Variants in BLACAT1 observed in about 807,000 individuals in gnomAD.
BLACAT1 encodes BLACAT1 overlapping LEMD1 locus.
chr1:205,447,760 C>T (rs954243568), intron 1 of BLACAT1, among the ~76,000 whole-genome samples: 8 of 82,018 alleles, frequency 9.8e-5, no homozygotes, highest in Admixed American at 7.7e-4. Flanking sequence ...CCCGGGGGAG[C>T]GCCTGCCTTC....
rs954245368 is a variant in BLACAT1, at chr1:205,450,010, T to TC, written c.-37+5906dup. The TC allele has an allele frequency of 6.7e-6, 1 of 149,784 alleles. No individual in the cohort carries two copies. The allele number at this position is 149,784 out of a possible 1,614,324, so 9.3% of individuals were successfully genotyped here. ...CCCCAGCGAGGGCAGGCCTCCTCCC[T>TC]CCCCCTGCCCGCCCACCACCGGCCA... On this transcript the variant is annotated intron_variant, in intron 1 of 1. Transcript: ENST00000629624. The surrounding 1 kb of genome is among the most constrained non-coding windows in gnomAD (Gnocchi z 4.4).
chr1:205,447,192 C>T (rs1666406698), intron 1 of BLACAT1, among the ~76,000 whole-genome samples: 1 of 152,206 alleles, frequency 6.6e-6, no homozygotes, highest in Non-Finnish European at 1.5e-5. Flanking sequence ...TGTGCTCCTT[C>T]CTATCCATAT....
intron 1 of BLACAT1, among the ~76,000 whole-genome samples, chr1:205,444,495 CCA>C (rs1243442333): frequency 7.4e-5 from 11 of 149,436 alleles, no homozygotes; most frequent in African/African-American, 2.5e-4. Flanking sequence ...GGCCTGACCC[CCA>C]CATCTCTCTG....
intron 1 of BLACAT1, among the ~76,000 whole-genome samples, chr1:205,446,595 G>T (rs1443104167): frequency 6.6e-6 from 1 of 152,220 alleles, no homozygotes; most frequent in Non-Finnish European, 1.5e-5. Flanking sequence ...GGGGCAGGAA[G>T]GTGGCATGGC....
intron 1 of BLACAT1, among the ~76,000 whole-genome samples, chr1:205,453,325 G>T (rs1200490081): frequency 6.6e-6 from 1 of 152,158 alleles, no homozygotes; most frequent in Admixed American, 6.5e-5. Context: ...AAGGCCACTA[G>T]GTAGCCTTTC....
intron 1 of BLACAT1, among the ~76,000 whole-genome samples, chr1:205,451,572 A>C (rs536798705): frequency 6.6e-6 from 1 of 152,108 alleles, no homozygotes; most frequent in South Asian, 2.1e-4. Context: ...TCGGGGGGGT[A>C]ACCAAGAGGG....
intron 1 of BLACAT1, 146 bp downstream of exon 1, chr1:205,455,771 C>G (rs1357324608): frequency 6.6e-6 from 1 of 152,172 alleles, no homozygotes; most frequent in Non-Finnish European, 1.5e-5. Context: ...ACCCGCATCC[C>G]GCCCATGCCT....
intron 1 of BLACAT1, among the ~76,000 whole-genome samples, chr1:205,443,901 C>A (rs1666338828): frequency 6.6e-6 from 1 of 152,168 alleles, no homozygotes; most frequent in Non-Finnish European, 1.5e-5. Flanking sequence ...TGGGGAGTCC[C>A]TCTGCCAGGC....
At chr1:205,452,272 C>A (rs1666507724) in intron 1 of BLACAT1, among the ~76,000 whole-genome samples, 1 of 152,230 alleles carries the variant, frequency 6.6e-6, no homozygotes, top group Non-Finnish European at 1.5e-5. Flanking sequence ...GGCACACAGT[C>A]ACCACCCTGG....
chr1:205,448,355 C>G lies in BLACAT1; in HGVS notation c.-36-7293G>C, dbSNP rs139405984. ...CTTTTAGCCCTACATGAGTTTGGGA[C>G]AGCAATCACATAGGAATGAAAAGCC... On this transcript the variant is annotated intron_variant, in intron 1 of 1. Coordinates refer to ENST00000629624, the Ensembl canonical transcript of BLACAT1. The surrounding 1 kb of genome is among the most constrained non-coding windows in gnomAD (Gnocchi z 4.7). 53 of 534,524 alleles carry G rather than the reference C, an allele frequency of 9.9e-5. No individual in the cohort carries two copies. The East Asian group carries it at 2.8e-3, about 28-fold the overall frequency. The allele number at this position is 534,524 out of a possible 1,614,324, so 33.1% of individuals were successfully genotyped here. A position where few individuals can be genotyped will look rare whatever the true frequency, so the allele number is the denominator to read the frequency against.
intron 1 of BLACAT1, among the ~76,000 whole-genome samples, chr1:205,444,077 C>T (rs1666341999): frequency 6.6e-6 from 1 of 152,098 alleles, no homozygotes. Flanking sequence ...TGGACTAGCA[C>T]CTGGGTCCAC....
intron 1 of BLACAT1, among the ~76,000 whole-genome samples, chr1:205,443,420 C>CT (rs1345127172): frequency 4.6e-5 from 7 of 152,140 alleles, no homozygotes; most frequent in Middle Eastern, 3.4e-3. Flanking sequence ...AAAATCCTGG[C>CT]TTTTTTTGCT....
chr1:205,445,407 A>T (rs1020066418), intron 1 of BLACAT1, among the ~76,000 whole-genome samples: 1 of 152,176 alleles, frequency 6.6e-6, no homozygotes, highest in East Asian at 1.9e-4. Context: ...AGAAGCCCGC[A>T]TTCTCCTTGG....
downstream of BLACAT1, chr1:205,435,923 C>T (rs1003378409): frequency 1.3e-5 from 2 of 152,260 alleles, no homozygotes; most frequent in African/African-American, 4.8e-5. Context: ...CACTTTTTCC[C>T]ATCCTCAGGC....
chr1:205,438,518 G>A (rs1666243507), downstream of BLACAT1, among the ~76,000 whole-genome samples: 1 of 152,220 alleles, frequency 6.6e-6, no homozygotes, highest in African/African-American at 2.4e-5. Flanking sequence ...GGAGGGCACA[G>A]GTGTCCAGAC....
intron 1 of BLACAT1, among the ~76,000 whole-genome samples, chr1:205,454,328 A>T (rs889535914): frequency 1.3e-5 from 2 of 151,344 alleles, no homozygotes; most frequent in African/African-American, 4.9e-5. Context: ...ACTGAATTTG[A>T]TCCTCCCTAG....
intron 1 of BLACAT1, among the ~76,000 whole-genome samples, chr1:205,447,050 T>A (rs1461926966): frequency 6.6e-6 from 1 of 152,212 alleles, no homozygotes; most frequent in Non-Finnish European, 1.5e-5. Flanking sequence ...GAGAACAACC[T>A]CCCGTCTGGG....
chr1:205,445,151 C>T (rs1248856251), intron 1 of BLACAT1, among the ~76,000 whole-genome samples: 2 of 152,144 alleles, frequency 1.3e-5, no homozygotes, highest in African/African-American at 2.4e-5. Flanking sequence ...GAATTAAAAA[C>T]GAAGGGGGTG....
At chr1:205,442,925 A>T (rs1666320068) in intron 1 of BLACAT1, among the ~76,000 whole-genome samples, 1 of 152,170 alleles carries the variant, frequency 6.6e-6, no homozygotes. Context: ...TGTCATCCTA[A>T]GCAAGTGGCT....
Sources: allele counts gnomAD v4.1 joint callset (sites outside exome capture counted in the v4.1 genomes callset), GRCh38; gene constraint gnomAD v4.1.1; non-coding constraint Gnocchi (gnomAD v3.1); transcripts MANE v1.5; gene names NCBI Gene and HGNC (gene_info 2026-07-23, HGNC 2026-07-21).